Variants in PSME3IP1 observed in about 807,000 individuals in gnomAD.
The protein encoded by PSME3IP1 is PSME3-interacting protein.
Under a neutral mutation model 34.1 loss-of-function variants are expected in PSME3IP1, and 13 were observed. That is an observed-to-expected ratio of 0.38 (90% confidence interval 0.25 to 0.61). The LOEUF (loss-of-function observed/expected upper bound fraction) is 0.61. Ranked by LOEUF, PSME3IP1 falls within the 20% of genes least tolerant of loss-of-function variation. PSME3IP1 has a pLI of 0.60. For missense variants in PSME3IP1, 237 were observed against 301.4 expected, an observed-to-expected ratio of 0.79 and a Z score of 1.58; for synonymous variants, 93 against 114.3, an observed-to-expected ratio of 0.81 and a Z score of 1.19.
At chr16:57,162,820 G>A (rs1311601747) in intron 6 of PSME3IP1, among the ~76,000 whole-genome samples, 2 of 151,796 alleles carry the variant, frequency 1.3e-5, no homozygotes, top group African/African-American at 4.8e-5. Flanking sequence ...GCATTTAAAA[G>A]ATACATATTT....
intron 2 of PSME3IP1, among the ~76,000 whole-genome samples, chr16:57,173,175 A>G (rs1218523131): frequency 6.6e-6 from 1 of 152,232 alleles, no homozygotes; most frequent in Non-Finnish European, 1.5e-5. Flanking sequence ...TGTTCAGACC[A>G]TGGATCCACC....
rs1157716781 is a variant in PSME3IP1, at chr16:57,177,568, TA to T, written c.-15-3700del. 1.6e-4 allele frequency among the ~76,000 whole-genome samples: 24 copies of T among 149,886 alleles called. No homozygotes were observed. The South Asian group carries it at 2.7e-3, about 17-fold the overall frequency. On this transcript the variant is annotated intron_variant, in intron 1 of 6. Transcript: ENST00000309137. ...ATAAGAAATAAAGTAAATGCATATT[TA>T]AAAAAAAAATTTAAAGGCAAGCGTT...
intron 4 of PSME3IP1, among the ~76,000 whole-genome samples, chr16:57,167,943 A>G (rs1242137716): frequency 4.6e-5 from 7 of 152,198 alleles, no homozygotes; most frequent in African/African-American, 1.7e-4. Context: ...TTGTAACATC[A>G]GTTTTTCGTT....
intron 6 of PSME3IP1, among the ~76,000 whole-genome samples, chr16:57,157,055 C>T (rs2070617599): frequency 6.6e-6 from 1 of 152,076 alleles, no homozygotes; most frequent in African/African-American, 2.4e-5. Context: ...TGCCTGTAAT[C>T]CCAGCACTTT....
intron 4 of PSME3IP1, among the ~76,000 whole-genome samples, chr16:57,169,352 A>G (rs1227861645): frequency 6.6e-6 from 1 of 152,228 alleles, no homozygotes; most frequent in Non-Finnish European, 1.5e-5. Flanking sequence ...ATTATACAAC[A>G]TATCATATAG....
At chr16:57,173,628 CA>C in intron 2 of PSME3IP1, 99 bp downstream of exon 2, 3 of 1,449,274 alleles carry the variant, frequency 2.1e-6, no homozygotes, top group African/African-American at 1.4e-5. Context: ...GACTCCGTCT[CA>C]AAAAAATAAA....
At chr16:57,165,566 C>T (rs1468981309) in intron 5 of PSME3IP1, among the ~76,000 whole-genome samples, 7 of 152,294 alleles carry the variant, frequency 4.6e-5, no homozygotes, top group South Asian at 2.1e-4. Flanking sequence ...CAGACCTTCA[C>T]CAGGCAGCAG....
intron 5 of PSME3IP1, among the ~76,000 whole-genome samples, chr16:57,166,336 A>C (rs1236591528): frequency 6.6e-6 from 1 of 152,244 alleles, no homozygotes; most frequent in African/African-American, 2.4e-5. Flanking sequence ...GAGCAAACAT[A>C]GCAAAGAACT....
At chr16:57,158,066 A>G (rs755465647) in intron 6 of PSME3IP1, among the ~76,000 whole-genome samples, 4 of 152,220 alleles carry the variant, frequency 2.6e-5, no homozygotes, top group African/African-American at 4.8e-5. Flanking sequence ...GCAGGCTTGC[A>G]TTCACAAGGG....
chr16:57,169,052 A>C (rs1333732272), intron 4 of PSME3IP1, among the ~76,000 whole-genome samples: 2 of 152,126 alleles, frequency 1.3e-5, no homozygotes, highest in African/African-American at 4.8e-5. Flanking sequence ...ATTCTTTTGA[A>C]ATGAAGAAAA....
chr16:57,174,649 G>A, intron 1 of PSME3IP1: 1 of 985,426 alleles, frequency 1.0e-6, no homozygotes, highest in Non-Finnish European at 1.2e-6. Context: ...GATTAAGATG[G>A]AGAATCTCAG....
chr16:57,168,487 T>C (rs1227789454), intron 4 of PSME3IP1, among the ~76,000 whole-genome samples: 1 of 123,872 alleles, frequency 8.1e-6, no homozygotes, highest in Admixed American at 9.9e-5. Context: ...TAGATAATGT[T>C]AATACTCATT....
intron 1 of PSME3IP1, chr16:57,181,776 T>C (rs2073737740): frequency 6.6e-6 from 1 of 152,220 alleles, no homozygotes; most frequent in Non-Finnish European, 1.5e-5. Flanking sequence ...TTACATATAC[T>C]GGTTTATTAT....
rs576332914 is a variant in PSME3IP1 at position 57,168,079 on chromosome 16, T to C, written c.349-853A>G. Reference sequence around the variant, plus strand: ...GCCCTCCCTCCTCTCCCTCCACTTCTCCCTCCGTTTTATGCTCTCTCTTGA... The same window carrying C: ...GCCCTCCCTCCTCTCCCTCCACTTCCCCCTCCGTTTTATGCTCTCTCTTGA... On this transcript the variant is annotated intron_variant, in intron 4 of 6. Coordinates refer to ENST00000309137, the MANE Select transcript of PSME3IP1 (RefSeq NM_024946.4). 4.3e-4 allele frequency among the ~76,000 whole-genome samples: 65 copies of C among 152,280 alleles called. 1 individual carries two copies. The South Asian group carries it at 0.013, about 31-fold the overall frequency.
At chr16:57,183,444 T>C (rs1192271617) in intron 1 of PSME3IP1, among the ~76,000 whole-genome samples, 1 of 152,114 alleles carries the variant, frequency 6.6e-6, no homozygotes, top group Non-Finnish European at 1.5e-5. Context: ...GCGATTCTCC[T>C]ACCTCTGCCT....
rs2074100392 is a variant in PSME3IP1, at chr16:57,185,549, C to T, written c.-16+272G>A. On this transcript the variant is annotated intron_variant, in intron 1 of 6. Coordinates refer to ENST00000309137, the MANE Select transcript of PSME3IP1 (RefSeq NM_024946.4). ...TTGAAACCTGGGTGGCCCTACCTAG[C>T]AGAAAATTGGGGAAACCCCATTAAA... 50 of 985,536 alleles carry T rather than the reference C, an allele frequency of 5.1e-5. No homozygotes were observed. In the South Asian group the frequency reaches 2.0e-3, roughly 40 times the overall value. 61.0% of individuals were successfully genotyped at this position (985,536 alleles called of 1,614,324 possible).
chr16:57,177,487 C>T (rs577673870), intron 1 of PSME3IP1, among the ~76,000 whole-genome samples: 19 of 151,842 alleles, frequency 1.3e-4, no homozygotes, highest in Admixed American at 7.2e-4. Context: ...CCACTGTGCC[C>T]GGCCTACAAT....
intron 1 of PSME3IP1, among the ~76,000 whole-genome samples, chr16:57,180,219 T>C (rs1331839497): frequency 1.3e-5 from 2 of 152,232 alleles, no homozygotes; most frequent in Admixed American, 1.3e-4. Flanking sequence ...TGCAATAACC[T>C]TTCAGGCATC....
chr16:57,168,635 C>T (rs1199972434), intron 4 of PSME3IP1, among the ~76,000 whole-genome samples: 1 of 151,710 alleles, frequency 6.6e-6, no homozygotes, highest in Non-Finnish European at 1.5e-5. Flanking sequence ...AACCCTGTCT[C>T]TACTAAAAAG....
Sources: gnomAD v4.1 joint callset for allele counts (sites outside exome capture counted in the v4.1 genomes callset) on GRCh38, gnomAD v4.1.1 for gene constraint, MANE v1.5 for transcripts, NCBI Gene and HGNC (gene_info 2026-07-23, HGNC 2026-07-21) for gene names.